Variants in PTPRM observed in about 807,000 individuals in gnomAD.
PTPRM encodes protein tyrosine phosphatase receptor type M.
PTPRM carries 47 observed loss-of-function variants against 186.7 expected under a neutral mutation model. That is an observed-to-expected ratio of 0.25 (90% CI 0.20 to 0.32). The LOEUF (loss-of-function observed/expected upper bound fraction) is 0.32, where lower values mean the gene tolerates loss of function less well. Ranked by LOEUF, PTPRM falls within the 10% of genes least tolerant of loss-of-function variation. The pLI is 1.00. For missense variants in PTPRM, 1,494 were observed against 1,865.0 expected (o/e 0.80, Z 3.66); for synonymous variants, 668 against 674.9 (o/e 0.99, Z 0.16).
At chr18:8,099,240 G>C (rs1301265203) in intron 11 of PTPRM, among the ~76,000 whole-genome samples, 1 of 151,158 alleles carries the variant, frequency 6.6e-6, no homozygotes, top group East Asian at 2.0e-4. Context: ...GCCCACCCTG[G>C]CCCCCTGCCC....
At chr18:8,405,337 T>C (rs528927623) in intron 32 of PTPRM, among the ~76,000 whole-genome samples, 2 of 152,268 alleles carry the variant, frequency 1.3e-5, no homozygotes, top group African/African-American at 4.8e-5. Flanking sequence ...CCACGTACTT[T>C]ATCCAAACTA....
At chr18:8,246,070 G>A (rs2094474257) in intron 15 of PTPRM, among the ~76,000 whole-genome samples, 1 of 152,164 alleles carries the variant, frequency 6.6e-6, no homozygotes, top group African/African-American at 2.4e-5. Flanking sequence ...CCCACTCTGA[G>A]CAATGAGTTC....
intron 5 of PTPRM, among the ~76,000 whole-genome samples, chr18:7,927,414 T>C (rs532036855): frequency 2.0e-5 from 3 of 152,262 alleles, no homozygotes; most frequent in East Asian, 3.9e-4. Context: ...AGGCTGCTCA[T>C]TTTTCATCTT....
chr18:7,720,750 C>A (rs546010688), intron 1 of PTPRM, among the ~76,000 whole-genome samples: 1 of 152,118 alleles, frequency 6.6e-6, no homozygotes, highest in South Asian at 2.1e-4. Flanking sequence ...TTGTGACTGG[C>A]TTATTTCACT....
intron 14 of PTPRM, among the ~76,000 whole-genome samples, chr18:8,230,930 C>T (rs2094278812): frequency 6.6e-6 from 1 of 152,168 alleles, no homozygotes; most frequent in South Asian, 2.1e-4. Flanking sequence ...ATAATAATTT[C>T]ATCCCTTCTT....
chr18:8,102,848 C>T lies in PTPRM; in HGVS notation c.1857-10638C>T, dbSNP rs1160943761. 1.3e-5 allele frequency among the ~76,000 whole-genome samples: 2 copies of T among 152,190 alleles called. 1 individual carries two copies. Among genetic ancestry groups the T allele is most frequent in the Admixed American group, 1.3e-4 (2 of 15,276 alleles). ...TAATTATATATGGCAGCTATAGCAT[C>T]ACAAAATCTATTCCGTGTATAATAA... On this transcript the variant is annotated intron_variant, in intron 11 of 32. Transcript: ENST00000580170.
intron 1 of PTPRM, among the ~76,000 whole-genome samples, chr18:7,712,844 A>G (rs1479168293): frequency 6.6e-6 from 1 of 152,076 alleles, no homozygotes. Flanking sequence ...GGAACAAACC[A>G]AGTTTCCAAG....
chr18:7,671,885 T>C (rs1044821913), intron 1 of PTPRM, among the ~76,000 whole-genome samples: 2 of 152,232 alleles, frequency 1.3e-5, no homozygotes, highest in Admixed American at 1.3e-4. Flanking sequence ...GTAGAGTTTA[T>C]AAAAACTCAT....
At chr18:8,324,565 G>T in intron 22 of PTPRM, among the ~76,000 whole-genome samples, 1 of 152,220 alleles carries the variant, frequency 6.6e-6, no homozygotes. Flanking sequence ...TGCTGTCACA[G>T]AAAAGGTATT....
intron 20 of PTPRM, among the ~76,000 whole-genome samples, chr18:8,310,290 C>A (rs531245425): frequency 6.6e-6 from 1 of 151,982 alleles, no homozygotes; most frequent in South Asian, 2.1e-4. Context: ...ACTCCCACAG[C>A]CCTTCCAGTT....
Position 8,036,435 on chromosome 18 carries a change from G to A in PTPRM, c.1133-33251G>A, listed in dbSNP as rs138090342. Among the ~76,000 whole-genome samples, 669 of 152,314 alleles carry A rather than the reference G, an allele frequency of 4.4e-3. 2 individuals carry two copies. Among genetic ancestry groups the A allele is most frequent in the African/African-American group, 0.016 (646 of 41,556 alleles). ...TAACACTAAAACAGTGGGAACCCAG[G>A]CTGTAGGTAGAAGACCTCTTTTTCT... On this transcript the variant is annotated intron_variant, in intron 7 of 32. Transcript: ENST00000580170.
chr18:8,160,556 A>G (rs192733956), intron 14 of PTPRM, among the ~76,000 whole-genome samples: 3 of 152,218 alleles, frequency 2.0e-5, no homozygotes, highest in African/African-American at 2.4e-5. Flanking sequence ...AAGCCTCCCA[A>G]AGTTCTGGGA....
At chr18:8,285,242 T>G (rs72916826) in intron 19 of PTPRM, among the ~76,000 whole-genome samples, 10,047 of 152,246 alleles carry the variant, frequency 0.066, 381 homozygotes, top group Middle Eastern at 0.088. Context: ...TTATAAAAAT[T>G]CTACTGTAAA....
intron 2 of PTPRM, among the ~76,000 whole-genome samples, chr18:7,795,275 C>A (rs377448565): frequency 6.6e-6 from 1 of 152,068 alleles, no homozygotes; most frequent in South Asian, 2.1e-4. Context: ...TCTCTCTGAC[C>A]GTAGCCTGGT....
rs372259236 is a variant in PTPRM at position 7,884,784 on chromosome 18, G to A, written c.197-3322G>A. 8.8e-4 allele frequency among the ~76,000 whole-genome samples: 134 copies of A among 151,584 alleles called. 1 individual carries two copies. Among genetic ancestry groups the A allele is most frequent in the African/African-American group, 3.0e-3 (122 of 41,336 alleles). ...CTAAAAATACAAAAAATTAGCCAGG[G>A]ATGGTGGCAGGCACCTGTAATCCCA... is the stretch of plus-strand genomic sequence containing the variant. On this transcript the variant is annotated intron_variant, in intron 2 of 32. Transcript: ENST00000580170.
In PTPRM at chr18:7,700,990, AAAAAAAGAAAGAAAAAGAAAACAAG is replaced by A. The variant is rs1295727918; in HGVS notation, c.74-73152_74-73128del. Among the ~76,000 whole-genome samples the A allele has an allele frequency of 4.1e-5, 6 of 146,758 alleles. No homozygotes were observed. The East Asian group carries it at 1.2e-3, about 31-fold the overall frequency. On this transcript the variant is annotated intron_variant, in intron 1 of 32. Transcript: ENST00000580170. ...GAGCCTATCTCAAAAAAAAAAAAAA[AAAAAAAGAAAGAAAAAGAAAACAAG>A]AAAAAAAAAGCCATGTGCGGTGGCT...
At chr18:8,191,875 T>C (rs2093714767) in intron 14 of PTPRM, among the ~76,000 whole-genome samples, 1 of 152,184 alleles carries the variant, frequency 6.6e-6, no homozygotes, top group Admixed American at 6.5e-5. Flanking sequence ...CAGATGAATC[T>C]GACTATGTAG....
intron 14 of PTPRM, among the ~76,000 whole-genome samples, chr18:8,179,472 C>CT (rs2093540928): frequency 1.4e-5 from 2 of 138,364 alleles, no homozygotes; most frequent in Non-Finnish European, 3.2e-5. Flanking sequence ...TTTTTTTTTT[C>CT]TTTTCTTTTT....
At chr18:8,259,057 C>T (rs1028099817) in intron 19 of PTPRM, among the ~76,000 whole-genome samples, 4 of 152,106 alleles carry the variant, frequency 2.6e-5, no homozygotes, top group Non-Finnish European at 5.9e-5. Context: ...TAAAGCGATA[C>T]TCAAGCCTCA....
Sources: allele counts gnomAD v4.1 joint callset (sites outside exome capture counted in the v4.1 genomes callset), GRCh38; gene constraint gnomAD v4.1.1; transcripts MANE v1.5; gene names NCBI Gene and HGNC (gene_info 2026-07-23, HGNC 2026-07-21).